The following RNF130 variants were observed in gnomAD, a reference collection of about 807,000 sequenced individuals.
RNF130 encodes ring finger protein 130, also known as E3 ubiquitin-protein ligase RNF130.
A neutral mutation model predicts 44.6 loss-of-function variants in RNF130; 21 were observed. The observed-to-expected ratio is 0.47, with a 90% CI of 0.33 to 0.68. The LOEUF (loss-of-function observed/expected upper bound fraction) is 0.68, where lower values mean the gene tolerates loss of function less well. RNF130 is among the 30% of genes least tolerant of loss of function. The pLI, the probability that RNF130 is intolerant of heterozygous loss-of-function variation, is 0.02. For missense variants in RNF130, 479 were observed against 560.6 expected (o/e 0.85, Z 1.47); for synonymous variants, 214 against 210.4 (o/e 1.02, Z -0.15).
intron 8 of RNF130, among the ~76,000 whole-genome samples, chr5:179,962,892 G>A (rs946689163): frequency 5.9e-5 from 9 of 152,124 alleles, no homozygotes; most frequent in African/African-American, 9.7e-5. Flanking sequence ...GAAGCCTGCC[G>A]TCATGGAGCC....
At chr5:179,973,173 C>G (rs1365606777) in intron 5 of RNF130, among the ~76,000 whole-genome samples, 1 of 152,196 alleles carries the variant, frequency 6.6e-6, no homozygotes, top group Admixed American at 6.5e-5. Context: ...CCCCGCTAGT[C>G]CAGCTTCTGT....
intron 3 of RNF130, among the ~76,000 whole-genome samples, chr5:179,983,333 CTTTTTTT>C (rs35802224): frequency 6.5e-5 from 7 of 108,400 alleles, no homozygotes; most frequent in South Asian, 6.0e-4. Context: ...TACAGATGAA[CTTTTTTT>C]TTTTTTTTTT....
chr5:179,986,730 T>C (rs1394647112), intron 3 of RNF130, among the ~76,000 whole-genome samples: 1 of 152,218 alleles, frequency 6.6e-6, no homozygotes, highest in East Asian at 1.9e-4. Context: ...AATTTTTAAC[T>C]TTTTACAATG....
intron 7 of RNF130, among the ~76,000 whole-genome samples, chr5:179,925,592 G>A (rs1761697078): frequency 2.0e-5 from 3 of 152,056 alleles, no homozygotes; most frequent in South Asian, 2.1e-4. Context: ...GCAGTGGTGC[G>A]ATCCTAGCTC....
At chr5:179,943,279 A>G (rs1761990898) in intron 7 of RNF130, among the ~76,000 whole-genome samples, 1 of 152,084 alleles carries the variant, frequency 6.6e-6, no homozygotes, top group Non-Finnish European at 1.5e-5. Context: ...TGTGGGAGGG[A>G]TTTTGTTGGG....
chr5:179,967,109 C>T lies in RNF130; in HGVS notation c.946-99G>A, dbSNP rs1762469088. 2.8e-6 allele frequency: 3 copies of T among 1,060,462 alleles called. No homozygotes were observed. In the South Asian group the frequency reaches 4.4e-5, roughly 16 times the overall value. The allele number at this position is 1,060,462 out of a possible 1,614,324, so 65.7% of individuals were successfully genotyped here. ...AAACTTTGACGCCCTGTTGCAAAGA[C>T]CTTACCAGGTTCTTTTCCTGTGATG... On this transcript the variant is annotated intron_variant, in intron 6 of 8. Coordinates refer to ENST00000521389, the MANE Select transcript of RNF130 (RefSeq NM_018434.6).
chr5:179,997,299 G>A (rs772835041), intron 3 of RNF130, among the ~76,000 whole-genome samples: 6 of 150,620 alleles, frequency 4.0e-5, no homozygotes, highest in Non-Finnish European at 7.4e-5. Flanking sequence ...ACACCAACAC[G>A]CCTGGCTTAT....
At chr5:180,022,771 C>A (rs1392410421) in intron 2 of RNF130, among the ~76,000 whole-genome samples, 1 of 152,360 alleles carries the variant, frequency 6.6e-6, no homozygotes, top group East Asian at 1.9e-4. Flanking sequence ...AAGGAATACT[C>A]CTCTTATCTA....
chr5:180,039,877 C>A (rs1002233068), intron 2 of RNF130, among the ~76,000 whole-genome samples: 6 of 152,146 alleles, frequency 3.9e-5, no homozygotes, highest in Non-Finnish European at 5.9e-5. Context: ...AGAGAACATA[C>A]ATCATGCATG....
At chr5:180,063,434 GA>G (rs1391511096) in intron 1 of RNF130, among the ~76,000 whole-genome samples, 1 of 152,176 alleles carries the variant, frequency 6.6e-6, no homozygotes, top group Non-Finnish European at 1.5e-5. Context: ...ATTGAGATGG[GA>G]AAGACTGGAG....
chr5:180,013,519 A>G (rs1008702071), intron 2 of RNF130, among the ~76,000 whole-genome samples: 5 of 152,202 alleles, frequency 3.3e-5, no homozygotes, highest in Admixed American at 2.6e-4. Context: ...TTAAGACTTA[A>G]ACAGACATAA....
chr5:180,013,986 G>A (rs1763656562), intron 2 of RNF130, among the ~76,000 whole-genome samples: 1 of 152,218 alleles, frequency 6.6e-6, no homozygotes, highest in South Asian at 2.1e-4. Context: ...CTTGAGTGGA[G>A]TTGAGGCTCC....
chr5:179,924,540 G>T (rs953730374), intron 7 of RNF130, among the ~76,000 whole-genome samples: 3 of 151,640 alleles, frequency 2.0e-5, no homozygotes, highest in African/African-American at 7.3e-5. Context: ...GCTCATGCCT[G>T]TAATCCCAGC....
chr5:180,013,075 G>T lies in RNF130; in HGVS notation c.679C>A (p.Arg227Ser). ...ACTGAGCTCACCTGGTTCCTGTCGC[G>T]TGCATTTGTGTACCTGATCTTCTGA... ...FIQKIRYTNA[R>S]DRNQRRLGDA... Residue 227 changes from arginine to serine, a missense_variant, in exon 3 of 9, where the codon CGC (arginine) becomes AGC (serine). By Grantham distance (110) the Arg-to-Ser change is moderately radical. This residue lies in a region of RNF130 where 180 missense variants were observed against 275.1 expected (regional missense o/e 0.65). Coordinates refer to ENST00000521389, the MANE Select transcript of RNF130 (RefSeq NM_018434.6). 1 of 1,613,472 alleles carries T rather than the reference G, an allele frequency of 6.2e-7. No individual in the cohort carries two copies. Among genetic ancestry groups the T allele is most frequent in the Non-Finnish European group, 8.5e-7 (1 of 1,179,960 alleles).
At chr5:179,932,234 G>A (rs950730382) in intron 7 of RNF130, among the ~76,000 whole-genome samples, 1 of 152,072 alleles carries the variant, frequency 6.6e-6, no homozygotes, top group Non-Finnish European at 1.5e-5. Context: ...TTTAATCATT[G>A]TCTCTTCATT....
intron 5 of RNF130, among the ~76,000 whole-genome samples, chr5:179,972,345 G>A (rs1762603491): frequency 6.6e-6 from 1 of 152,230 alleles, no homozygotes; most frequent in African/African-American, 2.4e-5. Context: ...ACATTTTCAG[G>A]AGGAGTACGG....
intron 3 of RNF130, among the ~76,000 whole-genome samples, chr5:179,986,904 T>G (rs1222431115): frequency 6.6e-6 from 1 of 152,210 alleles, no homozygotes; most frequent in Non-Finnish European, 1.5e-5. Flanking sequence ...TATTTTATTT[T>G]TATGTGACTA....
intron 3 of RNF130, among the ~76,000 whole-genome samples, chr5:180,004,474 TCTC>T (rs1266198490): frequency 6.6e-6 from 1 of 152,118 alleles, no homozygotes; most frequent in African/African-American, 2.4e-5. Flanking sequence ...GGACCATAGA[TCTC>T]CTTTCCACTT....
At chr5:179,933,481 TG>T (rs1162030692) in intron 7 of RNF130, among the ~76,000 whole-genome samples, 2 of 150,760 alleles carry the variant, frequency 1.3e-5, no homozygotes, top group African/African-American at 2.4e-5. Context: ...TTATTTATTG[TG>T]GTTTTTGTCC....
Sources: gnomAD v4.1 joint callset for allele counts (sites outside exome capture counted in the v4.1 genomes callset) on GRCh38, gnomAD v4.1.1 for gene constraint, gnomAD v4.1.1 regional missense constraint, MANE v1.5 for transcripts, NCBI Gene and HGNC (gene_info 2026-07-23, HGNC 2026-07-21) for gene names.